The following DYNC2H1 variants were observed in gnomAD, a reference collection of about 807,000 sequenced individuals.
DYNC2H1 encodes dynein cytoplasmic 2 heavy chain 1.
A neutral mutation model predicts 570.0 loss-of-function variants in DYNC2H1; 410 were observed. The observed-to-expected ratio is 0.72, with a 90% CI of 0.66 to 0.78. The LOEUF (loss-of-function observed/expected upper bound fraction) is 0.78, where lower values mean the gene tolerates loss of function less well. Ranked by LOEUF, DYNC2H1 falls within the 30% of genes least tolerant of loss-of-function variation. The pLI is 0.00. For synonymous variants in DYNC2H1, 1,688 were observed against 1,677.6 expected, an observed-to-expected ratio of 1.01 and a Z score of -0.15; for missense variants, 4,865 against 5,046.4, an observed-to-expected ratio of 0.96 and a Z score of 1.09.
chr11:103,340,034 G>T (rs1408966698), intron 82 of DYNC2H1, among the ~76,000 whole-genome samples: 1 of 152,190 alleles, frequency 6.6e-6, no homozygotes, highest in East Asian at 1.9e-4. Flanking sequence ...CTGGGTTTGG[G>T]GGAGGAATGT....
chr11:103,287,993 GGGAAGTGCTGATT>G (rs568497470), intron 75 of DYNC2H1, among the ~76,000 whole-genome samples: 46 of 152,222 alleles, frequency 3.0e-4, no homozygotes, highest in African/African-American at 1.0e-3. Flanking sequence ...CTTGGGAAGT[GGGAAGTGCTGATT>G]GGTCAGGTTG....
At chr11:103,142,250 G>T (rs1464176771) in intron 17 of DYNC2H1, among the ~76,000 whole-genome samples, 1 of 152,242 alleles carries the variant, frequency 6.6e-6, no homozygotes, top group Non-Finnish European at 1.5e-5. Flanking sequence ...TCCCTAGTGA[G>T]ATGTACCTGG....
At chr11:103,377,877 C>T (rs61896834) in intron 83 of DYNC2H1, among the ~76,000 whole-genome samples, 28,616 of 152,092 alleles carry the variant, frequency 0.19, 2,908 homozygotes, top group Admixed American at 0.27. Flanking sequence ...GCTGGGATTA[C>T]AGGCATGTGC....
chr11:103,385,163 T>C (rs972224777), intron 83 of DYNC2H1, among the ~76,000 whole-genome samples: 2 of 152,084 alleles, frequency 1.3e-5, no homozygotes, highest in African/African-American at 4.8e-5. Flanking sequence ...TTAATTCATT[T>C]TTTTAAAAAA....
intron 80 of DYNC2H1, 111 bp downstream of exon 80, chr11:103,316,731 G>C (rs562606518): frequency 3.9e-6 from 3 of 773,486 alleles, no homozygotes; most frequent in Non-Finnish European, 5.7e-6. Context: ...AAATTTGCTT[G>C]TGCTTTTTAT....
intron 84 of DYNC2H1, among the ~76,000 whole-genome samples, chr11:103,420,779 A>C (rs1270885583): frequency 6.6e-6 from 1 of 152,234 alleles, no homozygotes; most frequent in East Asian, 1.9e-4. Context: ...AAACACACTG[A>C]GGAACACAGA....
chr11:103,223,485 T>G (rs1863674226), intron 59 of DYNC2H1, among the ~76,000 whole-genome samples: 1 of 152,144 alleles, frequency 6.6e-6, no homozygotes, highest in East Asian at 1.9e-4. Context: ...CCTCCCAGGT[T>G]CAAGCGATTC....
intron 88 of DYNC2H1, among the ~76,000 whole-genome samples, chr11:103,478,699 C>T (rs1171420216): frequency 6.6e-6 from 1 of 152,142 alleles, no homozygotes. Flanking sequence ...GCATAGGCTT[C>T]ATTTAAATTA....
At chr11:103,152,372 G>A (rs1189368297) in intron 21 of DYNC2H1, 87 bp downstream of exon 21, 3 of 1,265,416 alleles carry the variant, frequency 2.4e-6, no homozygotes, top group East Asian at 2.6e-5. Context: ...TATAGCCCAG[G>A]TTTATAATAA....
At chr11:103,224,370 T>C (rs1350360623) in intron 59 of DYNC2H1, among the ~76,000 whole-genome samples, 2 of 150,882 alleles carry the variant, frequency 1.3e-5, no homozygotes, top group Non-Finnish European at 2.9e-5. Context: ...AGTGTTACAC[T>C]ATACCCAATG....
intron 40 of DYNC2H1, among the ~76,000 whole-genome samples, chr11:103,182,665 G>A (rs1003022660): frequency 3.3e-5 from 5 of 151,832 alleles, no homozygotes; most frequent in Admixed American, 2.0e-4. Flanking sequence ...AGCATGCAAA[G>A]AAGACCGTGG....
intron 84 of DYNC2H1, among the ~76,000 whole-genome samples, chr11:103,429,000 C>T (rs1433293235): frequency 6.6e-6 from 1 of 152,062 alleles, no homozygotes; most frequent in East Asian, 1.9e-4. Context: ...GTGGCTCACG[C>T]CTGTAATCCT....
At chr11:103,347,426 C>G (rs1939796661) in intron 82 of DYNC2H1, among the ~76,000 whole-genome samples, 1 of 142,132 alleles carries the variant, frequency 7.0e-6, no homozygotes, top group Admixed American at 7.5e-5. Flanking sequence ...GTAGTTATAT[C>G]ATTTTTTTTT....
chr11:103,288,334 G>A (rs1866434348), intron 75 of DYNC2H1, among the ~76,000 whole-genome samples: 1 of 152,078 alleles, frequency 6.6e-6, no homozygotes, highest in South Asian at 2.1e-4. Flanking sequence ...AATTATGACA[G>A]TGAAAGAGCT....
At chr11:103,227,551 G>A (rs1459361004) in intron 59 of DYNC2H1, among the ~76,000 whole-genome samples, 1 of 152,128 alleles carries the variant, frequency 6.6e-6, no homozygotes, top group Non-Finnish European at 1.5e-5. Flanking sequence ...GAGAGTACTT[G>A]ATATAATTTC....
In DYNC2H1 at chr11:103,239,183, C is replaced by T. The variant is rs1165739443; in HGVS notation, c.9819+2644C>T. On this transcript the variant is annotated intron_variant, in intron 63 of 88. Transcript: ENST00000375735. The surrounding 1 kb of genome is among the most constrained non-coding windows in gnomAD (Gnocchi z 4.3). ...AATATTTGTGTTTTATTGTTATAGA[C>T]AGTTCAGTGTCAAATTGGTTTTAAC... 3.9e-5 allele frequency among the ~76,000 whole-genome samples: 6 copies of T among 152,086 alleles called. No individual in the cohort carries two copies. The East Asian group carries it at 1.2e-3, about 29-fold the overall frequency.
intron 84 of DYNC2H1, among the ~76,000 whole-genome samples, chr11:103,432,234 T>C (rs1215429997): frequency 6.6e-6 from 1 of 152,110 alleles, no homozygotes. Context: ...AAGACAACAC[T>C]TCAAAACAAC....
intron 70 of DYNC2H1, among the ~76,000 whole-genome samples, chr11:103,269,326 A>G (rs1865614584): frequency 6.6e-6 from 1 of 152,210 alleles, no homozygotes. Flanking sequence ...GCAATGAGAT[A>G]CATTTCTCAA....
chr11:103,456,166 C>A, intron 86 of DYNC2H1, 109 bp from the exon 87 acceptor site: 1 of 773,384 alleles, frequency 1.3e-6, no homozygotes, highest in Non-Finnish European at 2.0e-6. Flanking sequence ...ATTATTTACA[C>A]ATGGTAAATA....
Sources: gnomAD v4.1 joint callset for allele counts (sites outside exome capture counted in the v4.1 genomes callset) on GRCh38, gnomAD v4.1.1 for gene constraint, Gnocchi (gnomAD v3.1) non-coding constraint, MANE v1.5 for transcripts, NCBI Gene and HGNC (gene_info 2026-07-23, HGNC 2026-07-21) for gene names.